FMO5: variants seen among roughly 807,000 people sequenced by gnomAD.
The protein encoded by FMO5 is flavin containing dimethylaniline monoxygenase 5, also known as flavin-containing monooxygenase 5.
A neutral mutation model predicts 43.6 loss-of-function variants in FMO5; 51 were observed. That is an observed-to-expected ratio of 1.17 (90% CI 0.93 to 1.48). FMO5 has a LOEUF of 1.48. Among genes scored for constraint, FMO5 ranks in the 40% most tolerant of loss-of-function variants. FMO5 has a pLI of 0.00. For synonymous variants in FMO5, 187 were observed against 216.5 expected, an observed-to-expected ratio of 0.86 and a Z score of 1.20; for missense variants, 644 against 643.0, an observed-to-expected ratio of 1.00 and a Z score of -0.02.
At chr1:147,201,045 C>T in intron 7 of FMO5, 107 bp downstream of exon 7, 1 of 779,808 alleles carries the variant, frequency 1.3e-6, no homozygotes, top group South Asian at 1.8e-5. Flanking sequence ...TTGTGCTAGG[C>T]ACTGTTGTAA....
At chr1:147,200,405 A>T (rs1198132785) in intron 7 of FMO5, among the ~76,000 whole-genome samples, 4 of 151,962 alleles carry the variant, frequency 2.6e-5, no homozygotes, top group African/African-American at 2.4e-5. Context: ...CCCTTAAAAA[A>T]TTTTTCTCTC....
At chr1:147,206,722 T>A (rs1057326512) in intron 6 of FMO5, among the ~76,000 whole-genome samples, 7 of 151,878 alleles carry the variant, frequency 4.6e-5, no homozygotes, top group Admixed American at 3.3e-4. Context: ...ATGAGAACAC[T>A]TGGACACAGG....
intron 7 of FMO5, 135 bp from the exon 8 acceptor site, chr1:147,190,384 C>T: frequency 6.9e-6 from 4 of 578,458 alleles, no homozygotes; most frequent in South Asian, 2.3e-5. Context: ...TTACAATTCA[C>T]TTGATCACCT....
intron 7 of FMO5, among the ~76,000 whole-genome samples, chr1:147,195,293 T>C (rs1657772515): frequency 6.6e-6 from 1 of 151,908 alleles, no homozygotes; most frequent in Non-Finnish European, 1.5e-5. Context: ...CAAACCCAAA[T>C]AATTTTTTTT....
chr1:147,211,058 G>A (rs919025937), intron 5 of FMO5: 7 of 152,178 alleles, frequency 4.6e-5, no homozygotes, highest in Admixed American at 3.3e-4. Flanking sequence ...CAGCAATTGA[G>A]TTTCTTCAGC....
At position 147,225,078 on chromosome 1, in the gene FMO5, A is replaced by T; in HGVS notation, c.-37-12T>A. 1 of 1,612,576 alleles carries T rather than the reference A, an allele frequency of 6.2e-7. No individual in the cohort carries two copies. The highest frequency in any genetic ancestry group is 8.5e-7 in the Non-Finnish European group (1 of 1,179,372). On this transcript the variant is annotated splice_polypyrimidine_tract_variant and intron_variant, in intron 1 of 8. Coordinates refer to ENST00000254090, the MANE Select transcript of FMO5 (RefSeq NM_001461.4). The stretch of plus-strand genomic sequence containing the variant: ...TAGTGTCGCCTGTCCTAAAGAAAGG[A>T]TGACAAAAGACAAAAAGCACACATC...
intron 6 of FMO5, among the ~76,000 whole-genome samples, chr1:147,205,914 A>C (rs1659936252): frequency 6.6e-6 from 1 of 152,166 alleles, no homozygotes; most frequent in Non-Finnish European, 1.5e-5. Context: ...AAATTGACAA[A>C]TGGGATCTAA....
At chr1:147,190,949 T>A (rs1656643956) in intron 7 of FMO5, among the ~76,000 whole-genome samples, 1 of 152,068 alleles carries the variant, frequency 6.6e-6, no homozygotes, top group Non-Finnish European at 1.5e-5. Flanking sequence ...TTTTTTCTCC[T>A]TGTGATAGTT....
Position 147,212,523 on chromosome 1 carries a change from A to C in FMO5, c.500T>G (p.Phe167Cys). ...PLESFPGIEK[F>C]KGQYFHSRDY... The stretch of plus-strand genomic sequence containing the variant: ...TCGACTGTGGAAGTACTGCCCTTTG[A>C]ACTTCTCAATTCCTGCAAGAGAAGG... Residue 167 changes from phenylalanine to cysteine, a missense_variant, in exon 5 of 9, where the codon TTC (phenylalanine) becomes TGC (cysteine). By Grantham distance (205) the Phe-to-Cys change is radical. Transcript: ENST00000254090. The C allele has an allele frequency of 6.2e-7, 1 of 1,613,050 alleles. No individual in the cohort carries two copies. Among genetic ancestry groups the C allele is most frequent in the Non-Finnish European group, 8.5e-7 (1 of 1,179,500 alleles).
At chr1:147,188,151 T>C (rs2101686907) in intron 8 of FMO5, among the ~76,000 whole-genome samples, 1 of 152,286 alleles carries the variant, frequency 6.6e-6, no homozygotes, top group Middle Eastern at 3.4e-3. Flanking sequence ...TTTGAGAGCT[T>C]TCCCTTATGA....
chr1:147,204,433 G>T (rs1165347522), intron 6 of FMO5: 1 of 1,206,820 alleles, frequency 8.3e-7, no homozygotes, highest in African/African-American at 1.5e-5. Flanking sequence ...ACACATTACA[G>T]AGGTACGAAG....
At chr1:147,213,511 T>C in intron 3 of FMO5, 41 bp from the exon 4 acceptor site, 1 of 1,533,052 alleles carries the variant, frequency 6.5e-7, no homozygotes, top group South Asian at 1.3e-5. Context: ...ATCCCTGACA[T>C]GACTCTCCTT....
At chr1:147,219,244 T>C (rs868968721) in intron 2 of FMO5, among the ~76,000 whole-genome samples, 2 of 152,210 alleles carry the variant, frequency 1.3e-5, no homozygotes, top group African/African-American at 4.8e-5. Flanking sequence ...ATATGTAATA[T>C]TATGTCTATC....
chr1:147,217,103 G>C (rs1662128858), intron 2 of FMO5, among the ~76,000 whole-genome samples: 1 of 152,126 alleles, frequency 6.6e-6, no homozygotes. Context: ...AGCCGGGCGT[G>C]GTGGCGCATG....
upstream of FMO5, chr1:147,225,344 G>T: frequency 3.0e-6 from 1 of 336,088 alleles, no homozygotes; most frequent in South Asian, 4.4e-5. Context: ...AGACTCAACA[G>T]GCGGCTGTTG....
chr1:147,187,189 T>A lies in FMO5; in HGVS notation c.1313A>T (p.Glu438Val). 6.2e-7 allele frequency: 1 copy of A among 1,614,118 alleles called. No homozygotes were observed. Among genetic ancestry groups the A allele is most frequent in the South Asian group, 1.1e-5 (1 of 91,078 alleles). Residue 438 changes from glutamate (E) to valine (V), a missense_variant, in exon 9 of 9, where the codon GAG becomes GTG. Transcript: ENST00000254090. ...CCTGACCCCCACCAAATCAGCAAGC[T>A]CTTCCATGGTATCTATGTAGTCTCC... ...IQGDYIDTME[E>V]LADLVGVRPN...
At chr1:147,202,271 AG>A (rs1659108073) in intron 6 of FMO5, among the ~76,000 whole-genome samples, 1 of 150,972 alleles carries the variant, frequency 6.6e-6, no homozygotes, top group East Asian at 1.9e-4. Flanking sequence ...AATAATAATA[AG>A]GCTGGTTTCT....
At chr1:147,204,371 C>T (rs1659580116) in intron 6 of FMO5, 17 of 1,035,598 alleles carry the variant, frequency 1.6e-5, no homozygotes, top group South Asian at 1.4e-4. Context: ...AAAATAGATA[C>T]GCATGCCTGA....
At chr1:147,202,111 G>A (rs181562838) in intron 6 of FMO5, among the ~76,000 whole-genome samples, 7 of 152,250 alleles carry the variant, frequency 4.6e-5, no homozygotes. Flanking sequence ...CACAGCCTAG[G>A]ATTTTAGAAT....
Sources: allele counts gnomAD v4.1 joint callset (sites outside exome capture counted in the v4.1 genomes callset), GRCh38; gene constraint gnomAD v4.1.1; transcripts MANE v1.5; gene names NCBI Gene and HGNC (gene_info 2026-07-23, HGNC 2026-07-21).